HECW1: variants seen among roughly 807,000 people sequenced by gnomAD.
The protein encoded by HECW1 is HECT, C2 and WW domain containing E3 ubiquitin protein ligase 1.
HECW1 carries 61 observed loss-of-function variants against 182.3 expected under a neutral mutation model. That is an observed-to-expected ratio of 0.33 (90% CI 0.27 to 0.41). HECW1 has a LOEUF of 0.41. Ranked by LOEUF, HECW1 falls within the 10% of genes least tolerant of loss-of-function variation. The pLI is 1.00. For synonymous variants in HECW1, 859 were observed against 832.6 expected, an observed-to-expected ratio of 1.03 and a Z score of -0.55; for missense variants, 1,739 against 2,108.9, an observed-to-expected ratio of 0.82 and a Z score of 3.44.
intron 5 of HECW1, among the ~76,000 whole-genome samples, chr7:43,353,498 A>G (rs1389634156): frequency 6.6e-6 from 1 of 152,124 alleles, no homozygotes; most frequent in Non-Finnish European, 1.5e-5. Flanking sequence ...AAACAATTGT[A>G]TGGCACCAAG....
chr7:43,409,387 G>A (rs1022673242), intron 8 of HECW1, among the ~76,000 whole-genome samples: 3 of 151,810 alleles, frequency 2.0e-5, no homozygotes, highest in African/African-American at 4.9e-5. Flanking sequence ...AATTTATTTT[G>A]TATGGGGGGA....
intron 24 of HECW1, among the ~76,000 whole-genome samples, chr7:43,530,961 G>T (rs181988804): frequency 1.3e-5 from 2 of 152,214 alleles, no homozygotes; most frequent in East Asian, 3.9e-4. Flanking sequence ...GGTTCTCATC[G>T]TCTACAGTTT....
chr7:43,320,129 G>A (rs575714257), intron 4 of HECW1, among the ~76,000 whole-genome samples: 64 of 152,292 alleles, frequency 4.2e-4, no homozygotes, highest in Admixed American at 1.3e-3. Context: ...ATGGATGGAT[G>A]GATAAGTTCA....
At chr7:43,491,799 G>T (rs2078941935) in intron 17 of HECW1, among the ~76,000 whole-genome samples, 1 of 152,086 alleles carries the variant, frequency 6.6e-6, no homozygotes, top group African/African-American at 2.4e-5. Flanking sequence ...CACTATGTTG[G>T]CCAGGCTGGT....
At chr7:43,329,767 A>G (rs1252447805) in intron 5 of HECW1, among the ~76,000 whole-genome samples, 4 of 152,164 alleles carry the variant, frequency 2.6e-5, no homozygotes, top group Non-Finnish European at 4.4e-5. Flanking sequence ...GAAAGGAACA[A>G]GCAACTGCTG....
At chr7:43,480,000 G>A (rs542378954) in intron 17 of HECW1, among the ~76,000 whole-genome samples, 30 of 152,186 alleles carry the variant, frequency 2.0e-4, no homozygotes, top group African/African-American at 7.0e-4. Flanking sequence ...TAGTTGAAAG[G>A]AAACTGAAAA....
chr7:43,117,055 T>A (rs932637306), intron 2 of HECW1, among the ~76,000 whole-genome samples: 3 of 152,220 alleles, frequency 2.0e-5, no homozygotes, highest in African/African-American at 7.2e-5. Flanking sequence ...TCTTTATACA[T>A]TTCTATAATC....
intron 6 of HECW1, among the ~76,000 whole-genome samples, chr7:43,391,249 G>A (rs2075018561): frequency 6.6e-6 from 1 of 152,162 alleles, no homozygotes; most frequent in African/African-American, 2.4e-5. Context: ...TGTAAGTTCT[G>A]GAAAACTTTG....
At chr7:43,501,406 T>A in intron 21 of HECW1, 84 bp downstream of exon 21, 2 of 740,452 alleles carry the variant, frequency 2.7e-6, no homozygotes, top group Admixed American at 2.2e-5. Context: ...CAACTGTATG[T>A]GTGTGTTCTT....
At chr7:43,534,610 C>T (rs2081110172) in intron 24 of HECW1, among the ~76,000 whole-genome samples, 1 of 152,220 alleles carries the variant, frequency 6.6e-6, no homozygotes, top group Non-Finnish European at 1.5e-5. Flanking sequence ...CCTAGTCAAA[C>T]AGGGTTCAAA....
At chr7:43,127,839 G>A (rs1786444164) in intron 2 of HECW1, among the ~76,000 whole-genome samples, 1 of 151,560 alleles carries the variant, frequency 6.6e-6, no homozygotes. Context: ...AGAAGATCCA[G>A]GTAAGATCAT....
Position 43,565,885 on chromosome 7 carries a change from T to G in HECW1, c.*3959T>G, listed in dbSNP as rs2152968611. On this transcript the variant is annotated 3_prime_UTR_variant, in exon 30 of 30. Coordinates refer to ENST00000395891, the MANE Select transcript of HECW1 (RefSeq NM_015052.5). ...TAGTCAATAGCAGGAGAAGTCCACG[T>G]TATTGGGCTGATTTTGCTTACATCA... is the stretch of plus-strand genomic sequence containing the variant. 5.2e-6 allele frequency: 1 copy of G among 193,110 alleles called. No homozygotes were observed. Among genetic ancestry groups the G allele is most frequent in the East Asian group, 8.1e-5 (1 of 12,404 alleles). 12.0% of individuals were successfully genotyped at this position (193,110 alleles called of 1,614,324 possible). A position where few individuals can be genotyped will look rare whatever the true frequency, so the allele number is the denominator to read the frequency against.
chr7:43,398,497 T>G (rs991283374), intron 7 of HECW1, among the ~76,000 whole-genome samples: 21 of 152,170 alleles, frequency 1.4e-4, no homozygotes, highest in Admixed American at 9.2e-4. Context: ...AGGCATGAAG[T>G]ACATGTGCCT....
chr7:43,290,961 A>G (rs954761693), intron 3 of HECW1, among the ~76,000 whole-genome samples: 4 of 152,210 alleles, frequency 2.6e-5, no homozygotes, highest in Non-Finnish European at 4.4e-5. Flanking sequence ...TCAAGAGAAG[A>G]CTGCATATGG....
intron 21 of HECW1, among the ~76,000 whole-genome samples, chr7:43,505,895 A>C (rs1051909318): frequency 5.9e-5 from 9 of 152,230 alleles, no homozygotes; most frequent in African/African-American, 1.9e-4. Flanking sequence ...TACCAGCATC[A>C]GTCTTCTCTA....
At chr7:43,412,262 G>A (rs1045371382) in intron 8 of HECW1, among the ~76,000 whole-genome samples, 36 of 151,658 alleles carry the variant, frequency 2.4e-4, no homozygotes, top group African/African-American at 7.5e-4. Context: ...GATCTTTCTT[G>A]TTATAGTTAT....
At chr7:43,420,813 G>A (rs2076158358) in intron 8 of HECW1, among the ~76,000 whole-genome samples, 1 of 152,176 alleles carries the variant, frequency 6.6e-6, no homozygotes, top group Non-Finnish European at 1.5e-5. Context: ...TAGATGAAAG[G>A]AGATATTGTT....
chr7:43,257,006 G>C (rs373000882), intron 3 of HECW1, among the ~76,000 whole-genome samples: 19 of 152,240 alleles, frequency 1.2e-4, no homozygotes, highest in African/African-American at 4.6e-4. Flanking sequence ...CTCTCTCTCC[G>C]TTCCCAAATT....
chr7:43,227,048 A>G (rs530375546), intron 2 of HECW1, among the ~76,000 whole-genome samples: 1 of 152,340 alleles, frequency 6.6e-6, no homozygotes, highest in South Asian at 2.1e-4. Context: ...CATCTAGACA[A>G]TATAATCTGG....
Sources: gnomAD v4.1 joint callset for allele counts (sites outside exome capture counted in the v4.1 genomes callset) on GRCh38, gnomAD v4.1.1 for gene constraint, MANE v1.5 for transcripts, NCBI Gene and HGNC (gene_info 2026-07-23, HGNC 2026-07-21) for gene names.